Variants in CPEB1 observed in about 807,000 individuals in gnomAD.
The protein encoded by CPEB1 is cytoplasmic polyadenylation element binding protein 1.
CPEB1 carries 7 observed loss-of-function variants against 65.8 expected under a neutral mutation model. The ratio of observed to expected loss-of-function variants is 0.11; its 90% CI spans 0.06 to 0.20. The LOEUF is 0.20. Among genes scored for constraint, CPEB1 ranks in the 10% least tolerant of loss-of-function variants. The probability of loss-of-function intolerance (pLI) is 1.00; values close to 1 mark genes in which losing one functional copy is unlikely to be tolerated. For missense variants in CPEB1, 551 were observed against 712.2 expected (o/e 0.77, Z 2.58); for synonymous variants, 262 against 260.0 (o/e 1.01, Z -0.08).
chr15:82,642,209 A>G, intron 1 of CPEB1, among the ~76,000 whole-genome samples: 1 of 152,180 alleles, frequency 6.6e-6, no homozygotes, highest in East Asian at 1.9e-4. Flanking sequence ...AACTAAGGGC[A>G]TTTCCAAAAC....
intron 3 of CPEB1, chr15:82,573,174 T>C (rs1234715739): frequency 4.6e-6 from 7 of 1,533,040 alleles, no homozygotes; most frequent in Non-Finnish European, 6.1e-6. Flanking sequence ...GTACACCCTG[T>C]GTCCACAGGC....
intron 3 of CPEB1, chr15:82,573,345 A>C (rs1405594596): frequency 1.7e-6 from 1 of 603,340 alleles, no homozygotes; most frequent in Non-Finnish European, 2.7e-6. Context: ...CTTGTTCATC[A>C]TGGCAAAGGC....
intron 3 of CPEB1, among the ~76,000 whole-genome samples, chr15:82,605,097 T>G (rs1363606634): frequency 6.6e-6 from 1 of 152,180 alleles, no homozygotes; most frequent in Admixed American, 6.5e-5. Flanking sequence ...GATGACATAC[T>G]GAGGGAGTTA....
At chr15:82,635,601 T>C (rs553935273) in intron 1 of CPEB1, among the ~76,000 whole-genome samples, 1 of 152,332 alleles carries the variant, frequency 6.6e-6, no homozygotes, top group South Asian at 2.1e-4. Context: ...CAACCTAATA[T>C]TATTTCGTAA....
chr15:82,601,932 G>C (rs913982241), intron 3 of CPEB1, among the ~76,000 whole-genome samples: 1 of 152,144 alleles, frequency 6.6e-6, no homozygotes, highest in East Asian at 1.9e-4. Context: ...ATTTCTCTTA[G>C]TAATTGATAG....
At chr15:82,591,630 GTCT>G (rs2042260744) in intron 3 of CPEB1, among the ~76,000 whole-genome samples, 1 of 152,140 alleles carries the variant, frequency 6.6e-6, no homozygotes, top group Non-Finnish European at 1.5e-5. Context: ...CCACATGTAT[GTCT>G]TCTTTTGAAA....
intron 3 of CPEB1, among the ~76,000 whole-genome samples, chr15:82,620,207 G>C (rs1263658420): frequency 6.6e-6 from 1 of 152,048 alleles, no homozygotes; most frequent in African/African-American, 2.4e-5. Flanking sequence ...AGGAGTTTGA[G>C]ACCAGCCTTG....
chr15:82,594,236 A>T (rs189210155), intron 3 of CPEB1, among the ~76,000 whole-genome samples: 1 of 152,356 alleles, frequency 6.6e-6, no homozygotes, highest in Admixed American at 6.5e-5. Context: ...GAGTGTAGCC[A>T]TCTTACCAAT....
At chr15:82,639,278 A>G (rs1454698012) in intron 1 of CPEB1, among the ~76,000 whole-genome samples, 4 of 152,140 alleles carry the variant, frequency 2.6e-5, no homozygotes, top group Non-Finnish European at 1.5e-5. Flanking sequence ...GTGTATCTTG[A>G]TCAACATTCA....
intron 1 of CPEB1, chr15:82,629,791 G>C: frequency 1.0e-6 from 1 of 985,376 alleles, no homozygotes; most frequent in Non-Finnish European, 1.2e-6. Context: ...ATGTCATTTT[G>C]TTTGGCCTAC....
intron 3 of CPEB1, among the ~76,000 whole-genome samples, chr15:82,625,713 T>C (rs1188925090): frequency 1.3e-5 from 2 of 152,218 alleles, no homozygotes; most frequent in Admixed American, 6.5e-5. Context: ...TCCAACGTAG[T>C]GTTGCTCAAG....
At chr15:82,647,795 GA>G (rs1289099218), upstream of CPEB1, 1 of 1,259,422 alleles carries the variant, frequency 7.9e-7, no homozygotes, top group African/African-American at 1.6e-5. Flanking sequence ...GCTGCGCGCG[GA>G]CCGTTAGCTA....
At chr15:82,573,630 A>G (rs2040329795) in intron 3 of CPEB1, among the ~76,000 whole-genome samples, 1 of 152,104 alleles carries the variant, frequency 6.6e-6, no homozygotes. Flanking sequence ...GACTGTGCAT[A>G]TGATTACCCC....
intron 3 of CPEB1, among the ~76,000 whole-genome samples, chr15:82,612,645 G>C (rs1290721168): frequency 1.3e-5 from 2 of 151,834 alleles, no homozygotes; most frequent in African/African-American, 4.8e-5. Context: ...GATCAGCCTG[G>C]CCAAGATGGT....
intron 3 of CPEB1, among the ~76,000 whole-genome samples, chr15:82,597,931 G>A (rs917620124): frequency 2.6e-5 from 4 of 152,160 alleles, no homozygotes; most frequent in Admixed American, 1.3e-4. Context: ...CTTGAGAGGT[G>A]TATAAAAGGA....
upstream of CPEB1, chr15:82,647,769 C>A: frequency 8.6e-7 from 1 of 1,163,700 alleles, no homozygotes; most frequent in Non-Finnish European, 1.1e-6. Context: ...ATGGGGGTAC[C>A]GCGGCGCCGG....
At chr15:82,546,179 G>A (rs999592748) in intron 12 of CPEB1, among the ~76,000 whole-genome samples, 28 of 151,920 alleles carry the variant, frequency 1.8e-4, no homozygotes, top group African/African-American at 2.4e-5. Flanking sequence ...GCGTGATCTC[G>A]ACTCACTGCA....
intron 3 of CPEB1, among the ~76,000 whole-genome samples, chr15:82,598,857 T>C (rs2042879241): frequency 6.6e-6 from 1 of 152,076 alleles, no homozygotes; most frequent in South Asian, 2.1e-4. Flanking sequence ...ACCAAATATT[T>C]TCAGAAAACC....
chr15:82,556,012 A>G lies in CPEB1; in HGVS notation c.798T>C (p.Ala266=), dbSNP rs2037134524. ...TTGGGGAGGGAGTGACTGCAGCAAGAGCAGCTTGCTCTTGGTCCATCCGAG... is the reference window on the plus strand; with the variant it reads ...TTGGGGAGGGAGTGACTGCAGCAAGGGCAGCTTGCTCTTGGTCCATCCGAG... ...VGSRMDQEQA[A]LAAVTPSPTS... is the part of the protein sequence containing the mutation. Residue 266 remains alanine, a synonymous_variant, in exon 6 of 13, where the codon GCT becomes GCC. Coordinates refer to ENST00000684509, the MANE Select transcript of CPEB1 (RefSeq NM_001365242.1). The G allele has an allele frequency of 6.2e-7, 1 of 1,613,598 alleles. No homozygotes were observed. The highest frequency in any genetic ancestry group is 1.3e-5 in the African/African-American group (1 of 74,852).
Sources: gnomAD v4.1 joint callset for allele counts (sites outside exome capture counted in the v4.1 genomes callset) on GRCh38, gnomAD v4.1.1 for gene constraint, MANE v1.5 for transcripts, NCBI Gene and HGNC (gene_info 2026-07-23, HGNC 2026-07-21) for gene names.